ZNF343: variants seen among roughly 807,000 people sequenced by gnomAD.
ZNF343 encodes the protein zinc finger protein 343.
ZNF343 carries 11 observed loss-of-function variants against 13.8 expected under a neutral mutation model. That is an observed-to-expected ratio of 0.80 (90% CI 0.50 to 1.32). The LOEUF (loss-of-function observed/expected upper bound fraction) is 1.32, where lower values mean the gene tolerates loss of function less well. ZNF343 is among the 40% of genes most tolerant of loss of function. The pLI is 0.00. For synonymous variants in ZNF343, 248 were observed against 260.0 expected (o/e 0.95, Z 0.44); for missense variants, 658 against 714.2 (o/e 0.92, Z 0.90).
Position 2,483,740 on chromosome 20 carries a change from C to A in ZNF343, c.1221G>T (p.Lys407Asn). ...GCCCACACTCCCTGCAAACATAAGG[C>A]TTCTCCCCTGAGTGTATCCTCTGGT... ...RKHQRIHSGE[K>N]PYVCRECGRG... Residue 407 changes from lysine (K) to asparagine (N), a missense_variant, in exon 6 of 6, where the codon AAG (lysine) becomes AAT (asparagine). Lys to Asn is a moderately conservative substitution (Grantham distance 94). Transcript: ENST00000278772. 6.2e-7 allele frequency: 1 copy of A among 1,614,140 alleles called. No homozygotes were observed. Among genetic ancestry groups the A allele is most frequent in the Non-Finnish European group, 8.5e-7 (1 of 1,179,996 alleles).
chr20:2,511,535 A>G (rs1414034809), upstream of ZNF343, among the ~76,000 whole-genome samples: 1 of 152,188 alleles, frequency 6.6e-6, no homozygotes, highest in African/African-American at 2.4e-5. Context: ...GCTCCATGTG[A>G]CTGTTATTCA....
chr20:2,490,092 G>A (rs967302723), intron 5 of ZNF343, among the ~76,000 whole-genome samples: 2 of 152,100 alleles, frequency 1.3e-5, no homozygotes, highest in African/African-American at 4.8e-5. Flanking sequence ...GAGAGAGACT[G>A]GTTTAGGAGG....
chr20:2,495,956 A>G (rs2085452564), intron 2 of ZNF343, among the ~76,000 whole-genome samples: 1 of 152,200 alleles, frequency 6.6e-6, no homozygotes, highest in Non-Finnish European at 1.5e-5. Flanking sequence ...CTGGGATTAC[A>G]GGCGTGAGCC....
Position 2,518,369 on chromosome 20 carries a change from G to A in ZNF343, c.-347+6086C>T, listed in dbSNP as rs555351039. On this transcript the variant is annotated intron_variant, in intron 1 of 6. Coordinates refer to the ZNF343 transcript ENST00000358413. The surrounding 1 kb of genome is among the most constrained non-coding windows in gnomAD (Gnocchi z 4.6). Reference sequence around the variant, plus strand: ...TTATAATGAATCAAAAGCAGTATTCGTGTAAATGAGCTCATTGTCACATTG... The same window carrying A: ...TTATAATGAATCAAAAGCAGTATTCATGTAAATGAGCTCATTGTCACATTG... 2.0e-5 allele frequency among the ~76,000 whole-genome samples: 3 copies of A among 152,276 alleles called. No homozygotes were observed. Among genetic ancestry groups the A allele is most frequent in the East Asian group, 1.9e-4 (1 of 5,188 alleles).
In ZNF343 at chr20:2,493,567, A is replaced by G. The variant is rs1600050903; in HGVS notation, c.129T>C (p.Ser43=). Residue 43 remains serine (S), a synonymous_variant, in exon 4 of 6, where the codon TCT becomes TCC. Transcript: ENST00000278772. ...TQNHKAKGLP[S]NDTDCPQKKE... ...TTTTCTGGGGGCAGTCAGTATCATT[A>G]GAAGGCAAGCCTAGGGAAAGAAAAA... The G allele has an allele frequency of 6.2e-7, 1 of 1,613,890 alleles. No individual in the cohort carries two copies. The highest frequency in any genetic ancestry group is 2.2e-5 in the East Asian group (1 of 44,870).
intron 1 of ZNF343, among the ~76,000 whole-genome samples, chr20:2,522,080 T>C (rs535404440): frequency 6.6e-6 from 1 of 152,348 alleles, no homozygotes; most frequent in South Asian, 2.1e-4. Context: ...CTTTTGAGAA[T>C]GCTTGAGTCT....
Position 2,492,690 on chromosome 20 carries a change from C to T in ZNF343, c.304+9G>A. 1 of 1,608,210 alleles carries T rather than the reference C, an allele frequency of 6.2e-7. No individual in the cohort carries two copies. Among genetic ancestry groups the T allele is most frequent in the Non-Finnish European group, 8.5e-7 (1 of 1,178,466 alleles). Reference sequence around the variant, plus strand: ...AATTAATGAAGGAAAGGAAAGAACACAGCCTTACCCAATGAGAGAAGATTC... The same window carrying T: ...AATTAATGAAGGAAAGGAAAGAACATAGCCTTACCCAATGAGAGAAGATTC... On this transcript the variant is annotated intron_variant, in intron 5 of 5. Coordinates refer to ENST00000278772, the MANE Select transcript of ZNF343 (RefSeq NM_024325.6).
Position 2,493,831 on chromosome 20 carries a change from T to C in ZNF343, c.65A>G (p.Asn22Ser). ...QYWEEILLPK[N>S]GENVETMKKL... ...CTTCATAGTCTCTACATTTTCCCCATTCTTTGGAAGCAAAATCTCTTCCCA... is the reference window on the plus strand; with the variant it reads ...CTTCATAGTCTCTACATTTTCCCCACTCTTTGGAAGCAAAATCTCTTCCCA... Residue 22 changes from asparagine to serine, a missense_variant, in exon 3 of 6, where the codon AAT becomes AGT. Transcript: ENST00000278772. The C allele has an allele frequency of 1.2e-6, 2 of 1,613,986 alleles. No individual in the cohort carries two copies. Among genetic ancestry groups the C allele is most frequent in the Non-Finnish European group, 1.7e-6 (2 of 1,179,934 alleles).
In ZNF343 at chr20:2,483,729, C is replaced by T. The variant is rs1357586879; in HGVS notation, c.1232G>A (p.Cys411Tyr). Residue 411 changes from cysteine to tyrosine, a missense_variant, in exon 6 of 6, where the codon TGC becomes TAC. Cys to Tyr is a radical substitution (Grantham distance 194, BLOSUM62 -2). Transcript: ENST00000278772. ...RIHSGEKPYV[C>Y]RECGRGFSQN... ...GCTAAAGCCTCGCCCACACTCCCTG[C>T]AAACATAAGGCTTCTCCCCTGAGTG... 3.1e-6 allele frequency: 5 copies of T among 1,614,092 alleles called. No homozygotes were observed. Among genetic ancestry groups the T allele is most frequent in the African/African-American group, 1.3e-5 (1 of 75,034 alleles).
chr20:2,509,914 C>G (rs531519763), upstream of ZNF343, among the ~76,000 whole-genome samples: 4 of 152,210 alleles, frequency 2.6e-5, no homozygotes, highest in East Asian at 7.7e-4. Context: ...TTGATATGTA[C>G]CTGATACTTT....
exon 1 of ZNF343, chr20:2,524,482 C>G (rs7266414): frequency 0.1 from 15,394 of 152,676 alleles, 1,558 homozygotes; most frequent in African/African-American, 0.26. Context: ...CGTTCTGGTT[C>G]CAGGCTGTCC....
intron 1 of ZNF343, among the ~76,000 whole-genome samples, chr20:2,507,361 G>C (rs1001647834): frequency 2.6e-5 from 4 of 152,052 alleles, no homozygotes; most frequent in Admixed American, 2.6e-4. Flanking sequence ...AGCTTCTAGG[G>C]GACAGAACCA....
At position 2,483,036 on chromosome 20, in the gene ZNF343, T is replaced by C; in HGVS notation, c.*125A>G. On this transcript the variant is annotated 3_prime_UTR_variant, in exon 6 of 6. Transcript: ENST00000278772. Reference sequence around the variant, plus strand: ...CATGCCTGATAAGGGCTGACACATCTCTGGAACTTCACTCACAATCTGTGT... The same window carrying C: ...CATGCCTGATAAGGGCTGACACATCCCTGGAACTTCACTCACAATCTGTGT... 1.7e-6 allele frequency: 2 copies of C among 1,194,086 alleles called. No individual in the cohort carries two copies. The highest frequency in any genetic ancestry group is 1.6e-5 in the South Asian group (1 of 63,824). 74.0% of individuals were successfully genotyped at this position (1,194,086 alleles called of 1,614,324 possible).
rs2085188760 is a variant in ZNF343, at chr20:2,482,882, C to A, written c.*279G>T. 1 of 427,844 alleles carries A rather than the reference C, an allele frequency of 2.3e-6. No homozygotes were observed. The highest frequency in any genetic ancestry group is 4.2e-6 in the Non-Finnish European group (1 of 240,174). The allele number at this position is 427,844 out of a possible 1,614,324, so 26.5% of individuals were successfully genotyped here. ...TGGTAAATGTTGATTATTGCTAAAGCCTTCCCACAGTCCCTACACATAAAC... is the reference window on the plus strand; with the variant it reads ...TGGTAAATGTTGATTATTGCTAAAGACTTCCCACAGTCCCTACACATAAAC... On this transcript the variant is annotated 3_prime_UTR_variant, in exon 6 of 6. Transcript: ENST00000278772.
chr20:2,521,955 T>C (rs1293760441), intron 1 of ZNF343, among the ~76,000 whole-genome samples: 4 of 152,234 alleles, frequency 2.6e-5, no homozygotes, highest in Non-Finnish European at 5.9e-5. Context: ...TCTTTGCACA[T>C]GTAAAGTTAC....
Position 2,493,806 on chromosome 20 carries a change from C to T in ZNF343, c.90G>A (p.Lys30=). The change falls in exon 3 of 6, where the codon AAG becomes AAA. Residue 30 remains lysine, a synonymous_variant. Coordinates refer to ENST00000278772, the MANE Select transcript of ZNF343 (RefSeq NM_024325.6). ...TCGCTTTATGATTTTGGGTCAATTT[C>T]TTCATAGTCTCTACATTTTCCCCAT... ...PKNGENVETM[K]KLTQNHKAKG... The T allele has an allele frequency of 6.2e-7, 1 of 1,613,870 alleles. No homozygotes were observed.
At chr20:2,515,921 GT>G (rs1487602411) in intron 1 of ZNF343, among the ~76,000 whole-genome samples, 3 of 152,130 alleles carry the variant, frequency 2.0e-5, no homozygotes, top group Non-Finnish European at 4.4e-5. Flanking sequence ...GAGTGTCAGG[GT>G]CAGCGGCTGT....
chr20:2,519,790 G>A (rs1450418657), intron 1 of ZNF343, among the ~76,000 whole-genome samples: 3 of 152,156 alleles, frequency 2.0e-5, no homozygotes, highest in Non-Finnish European at 4.4e-5. Flanking sequence ...TTGAAAGTGT[G>A]ATTTCCTGCC....
intron 5 of ZNF343, among the ~76,000 whole-genome samples, chr20:2,491,371 A>C (rs2085363012): frequency 6.6e-6 from 1 of 152,202 alleles, no homozygotes; most frequent in Non-Finnish European, 1.5e-5. Flanking sequence ...ATAGTCTTAA[A>C]GTTGATTTCA....
Sources: allele counts gnomAD v4.1 joint callset (sites outside exome capture counted in the v4.1 genomes callset), GRCh38; gene constraint gnomAD v4.1.1; non-coding constraint Gnocchi (gnomAD v3.1); transcripts MANE v1.5; gene names NCBI Gene and HGNC (gene_info 2026-07-23, HGNC 2026-07-21).